Variants in TAAR5 observed in about 807,000 individuals in gnomAD.
TAAR5 encodes the protein trace amine-associated receptor 5.
Under a neutral mutation model 21.1 loss-of-function variants are expected in TAAR5, and 27 were observed. The observed-to-expected ratio is 1.28, with a 90% CI of 0.94 to 1.76. The LOEUF (loss-of-function observed/expected upper bound fraction) is 1.76. Ranked by LOEUF, TAAR5 falls within the 40% of genes most tolerant of loss-of-function variation. The pLI is 0.00. For missense variants in TAAR5, 495 were observed against 405.6 expected (o/e 1.22, Z -1.89); for synonymous variants, 203 against 167.5 (o/e 1.21, Z -1.64).
the TAAR5 span, among the ~76,000 whole-genome samples, chr6:132,604,625 G>C: frequency 6.6e-6 from 1 of 152,280 alleles, no homozygotes; most frequent in East Asian, 1.9e-4. Flanking sequence ...CAGCTGAGAG[G>C]AGAGATTCGA....
rs763156033 is a variant in TAAR5, at chr6:132,588,640, G to A, written c.*33C>T. On this transcript the variant is annotated 3_prime_UTR_variant, in exon 1 of 1. Transcript: ENST00000258034. ...CAGTGCCACTTATCTTTCCTGTGAG[G>A]TCCTACTCCTTGCCTGCATTTAGTA... 1 of 1,580,564 alleles carries A rather than the reference G, an allele frequency of 6.3e-7. No homozygotes were observed.
the TAAR5 span, among the ~76,000 whole-genome samples, chr6:132,595,954 A>T: frequency 6.6e-6 from 1 of 152,178 alleles, no homozygotes; most frequent in Non-Finnish European, 1.5e-5. Context: ...CCATCCTGCC[A>T]CTTATGACAT....
At chr6:132,609,926 G>T in the TAAR5 span, among the ~76,000 whole-genome samples, 1,533 of 152,174 alleles carry the variant, frequency 0.01, 11 homozygotes, top group Non-Finnish European at 0.017. Context: ...TTCTCTGTTT[G>T]CTACTCTCTT....
At position 132,589,665 on chromosome 6, in the gene TAAR5, C is replaced by G. The variant is rs1335733431; in HGVS notation, c.22G>C (p.Gly8Arg). The change falls in exon 1 of 1, where the codon GGT becomes CGT. Residue 8 changes from glycine to arginine, a missense_variant. Coordinates refer to ENST00000258034, the MANE Select transcript of TAAR5 (RefSeq NM_003967.3). ...AATGCCGCAGGGTGCTCTTCAGCACCTTGGATGAAGACAGCTCTCATTTAT... is the reference window on the plus strand; with the variant it reads ...AATGCCGCAGGGTGCTCTTCAGCACGTTGGATGAAGACAGCTCTCATTTAT... MRAVFIQ[G>R]AEEHPAAFCY... is the part of the protein sequence containing the mutation. 1.3e-6 allele frequency: 2 copies of G among 1,556,628 alleles called. No homozygotes were observed. Among genetic ancestry groups the G allele is most frequent in the African/African-American group, 2.8e-5 (2 of 70,626 alleles).
At chr6:132,599,004 A>G in the TAAR5 span, among the ~76,000 whole-genome samples, 24 of 152,186 alleles carry the variant, frequency 1.6e-4, no homozygotes, top group African/African-American at 4.1e-4. Context: ...ACTCATTTAT[A>G]TCTTTTTCCT....
In TAAR5 at chr6:132,588,702, T is replaced by C. The variant is rs1450716000; in HGVS notation, c.985A>G (p.Thr329Ala). 2 of 1,613,668 alleles carry C rather than the reference T, an allele frequency of 1.2e-6. No individual in the cohort carries two copies. Among genetic ancestry groups the C allele is most frequent in the Non-Finnish European group, 1.7e-6 (2 of 1,179,864 alleles). Reference protein sequence around the residue: ...TLSQKVFSPQTRTVDLYQE With the variant: ...TLSQKVFSPQARTVDLYQE ...TCTTGGTACAAATCAACAGTGCGTG[T>C]CTGCGGTGAGAAGACCTTCTGGCTC... Residue 329 changes from threonine (T) to alanine (A), a missense_variant, in exon 1 of 1, where the codon ACA becomes GCA. Coordinates refer to ENST00000258034, the MANE Select transcript of TAAR5 (RefSeq NM_003967.3).
chr6:132,600,184 A>T, the TAAR5 span, among the ~76,000 whole-genome samples: 1 of 152,216 alleles, frequency 6.6e-6, no homozygotes, highest in Non-Finnish European at 1.5e-5. Context: ...GAGAGTTTGG[A>T]AAAAGTCCCT....
At chr6:132,609,379 T>A in the TAAR5 span, 1 of 176,198 alleles carries the variant, frequency 5.7e-6, no homozygotes, top group Admixed American at 5.4e-5. Flanking sequence ...TACAAGATTG[T>A]TCAAAGTTAT....
At chr6:132,607,980 TA>T in the TAAR5 span, among the ~76,000 whole-genome samples, 1 of 152,232 alleles carries the variant, frequency 6.6e-6, no homozygotes, top group African/African-American at 2.4e-5. Context: ...AACTATGTTT[TA>T]TATTTCTTTC....
At chr6:132,603,767 G>A in the TAAR5 span, among the ~76,000 whole-genome samples, 1 of 152,120 alleles carries the variant, frequency 6.6e-6, no homozygotes, top group Non-Finnish European at 1.5e-5. Flanking sequence ...GTATTTGTAA[G>A]TAAGTCATTA....
At chr6:132,591,624 A>G (rs545536979), upstream of TAAR5, among the ~76,000 whole-genome samples, 10 of 152,334 alleles carry the variant, frequency 6.6e-5, no homozygotes, top group East Asian at 1.9e-3. Context: ...CTTTAGCTTA[A>G]AAGTCATAAT....
chr6:132,598,846 A>C, the TAAR5 span, among the ~76,000 whole-genome samples: 1 of 152,154 alleles, frequency 6.6e-6, no homozygotes, highest in Non-Finnish European at 1.5e-5. Context: ...AAAAGAGGGA[A>C]GGAAGGGAGG....
chr6:132,599,889 T>C, the TAAR5 span, among the ~76,000 whole-genome samples: 16 of 152,208 alleles, frequency 1.1e-4, no homozygotes, highest in Non-Finnish European at 2.2e-4. Context: ...GAGAATAGAA[T>C]GGAAAATTTT....
At chr6:132,606,690 G>C in the TAAR5 span, among the ~76,000 whole-genome samples, 4 of 152,210 alleles carry the variant, frequency 2.6e-5, no homozygotes, top group African/African-American at 9.7e-5. Flanking sequence ...AATAAAAACT[G>C]TAACGATGGT....
chr6:132,606,449 T>C, the TAAR5 span, among the ~76,000 whole-genome samples: 50 of 152,288 alleles, frequency 3.3e-4, 1 homozygote, highest in African/African-American at 1.0e-3. Context: ...GAGTGGGTGA[T>C]GTCTACTGTC....
chr6:132,605,645 G>A, the TAAR5 span, among the ~76,000 whole-genome samples: 8 of 152,044 alleles, frequency 5.3e-5, no homozygotes, highest in Non-Finnish European at 1.0e-4. Flanking sequence ...CATACACACT[G>A]TGAAGTTTTT....
At chr6:132,602,842 T>A in the TAAR5 span, among the ~76,000 whole-genome samples, 2 of 123,922 alleles carry the variant, frequency 1.6e-5, no homozygotes, top group East Asian at 4.0e-4. Flanking sequence ...ATTAGGGCTA[T>A]GGATTAAAAA....
the TAAR5 span, among the ~76,000 whole-genome samples, chr6:132,603,933 G>A: frequency 7.3e-6 from 1 of 136,760 alleles, no homozygotes; most frequent in Non-Finnish European, 1.5e-5. Context: ...GTTAAAAGTT[G>A]CTAAATGTAT....
At chr6:132,600,173 C>T in the TAAR5 span, among the ~76,000 whole-genome samples, 2 of 152,032 alleles carry the variant, frequency 1.3e-5, no homozygotes, top group Non-Finnish European at 1.5e-5. Flanking sequence ...GCTGGTTCCT[C>T]GAGAGTTTGG....
Sources: gnomAD v4.1 joint callset for allele counts (sites outside exome capture counted in the v4.1 genomes callset) on GRCh38, gnomAD v4.1.1 for gene constraint, MANE v1.5 for transcripts, NCBI Gene and HGNC (gene_info 2026-07-23, HGNC 2026-07-21) for gene names.